The following LMAN1 variants were observed in gnomAD, a reference collection of about 807,000 sequenced individuals.
LMAN1 encodes protein ERGIC-53.
A neutral mutation model predicts 67.8 loss-of-function variants in LMAN1; 32 were observed. The observed-to-expected ratio is 0.47, with a 90% CI of 0.36 to 0.63. The LOEUF (loss-of-function observed/expected upper bound fraction) is 0.63. Ranked by LOEUF, LMAN1 falls within the 30% of genes least tolerant of loss-of-function variation. The pLI is 0.00. For synonymous variants in LMAN1, 235 were observed against 219.3 expected (o/e 1.07, Z -0.63); for missense variants, 632 against 628.2 (o/e 1.01, Z -0.06).
At chr18:59,357,513 G>C (rs754180716) in intron 1 of LMAN1, among the ~76,000 whole-genome samples, 9 of 152,136 alleles carry the variant, frequency 5.9e-5, no homozygotes, top group Non-Finnish European at 1.0e-4. Flanking sequence ...GATATCATTT[G>C]CATCACCTTT....
At position 59,355,513 on chromosome 18, in the gene LMAN1, A is replaced by G. The variant is rs1908641416; in HGVS notation, c.360T>C (p.Ala120=). Residue 120 remains alanine (A), a synonymous_variant, in exon 2 of 13, where the codon GCT becomes GCC. Coordinates refer to ENST00000251047, the MANE Select transcript of LMAN1 (RefSeq NM_005570.4). ...FRVTGRGRIG[A]DGLAIWYAEN... is the part of the protein sequence containing the mutation. The stretch of plus-strand genomic sequence containing the variant: ...AAAGAAATGATCATACTAGGCCATC[A>G]GCTCCAATTCGACCTCTTCCAGTCA... The G allele has an allele frequency of 6.2e-7, 1 of 1,613,992 alleles. No homozygotes were observed. Among genetic ancestry groups the G allele is most frequent in the Non-Finnish European group, 8.5e-7 (1 of 1,179,976 alleles).
chr18:59,336,920 T>TAA (rs149850353), intron 10 of LMAN1, among the ~76,000 whole-genome samples: 6 of 150,342 alleles, frequency 4.0e-5, no homozygotes, highest in African/African-American at 1.2e-4. Context: ...AAATAAAAAT[T>TAA]AAAAAAAAAT....
At chr18:59,335,123 T>A (rs552149000) in intron 10 of LMAN1, among the ~76,000 whole-genome samples, 1 of 152,006 alleles carries the variant, frequency 6.6e-6, no homozygotes, top group Non-Finnish European at 1.5e-5. Flanking sequence ...ACCCGTCACA[T>A]AAGAAAGAAA....
At position 59,345,817 on chromosome 18, in the gene LMAN1, TCAGAGAG is replaced by T. The variant is rs1264946648; in HGVS notation, c.955+95_955+101del. On this transcript the variant is annotated intron_variant, in intron 8 of 12. Transcript: ENST00000251047. ...CAGAAATCACTTGGAATGTGCCTGT[TCAGAGAG>T]CAGGGATGAGCTAGGCAACACAGAG... The T allele has an allele frequency of 3.0e-6, 4 of 1,352,782 alleles. No homozygotes were observed. In the African/African-American group the frequency reaches 4.4e-5, roughly 15 times the overall value. 83.8% of individuals were successfully genotyped at this position (1,352,782 alleles called of 1,614,324 possible). A position where few individuals can be genotyped will look rare whatever the true frequency, so the allele number is the denominator to read the frequency against.
At chr18:59,343,841 T>C (rs1908340886) in intron 8 of LMAN1, among the ~76,000 whole-genome samples, 1 of 151,610 alleles carries the variant, frequency 6.6e-6, no homozygotes, top group African/African-American at 2.4e-5. Context: ...AAAGAAACAA[T>C]CAACACAATA....
intron 11 of LMAN1, 136 bp from the exon 12 acceptor site, chr18:59,331,675 T>TC: frequency 1.0e-6 from 1 of 953,408 alleles, no homozygotes; most frequent in Non-Finnish European, 1.6e-6. Flanking sequence ...AAACCTTCTA[T>TC]CCCCTTAACT....
intron 8 of LMAN1, among the ~76,000 whole-genome samples, chr18:59,344,757 C>T (rs913960841): frequency 6.6e-6 from 1 of 151,996 alleles, no homozygotes; most frequent in African/African-American, 2.4e-5. Context: ...ATGACACAAG[C>T]ATATAAGAAA....
chr18:59,334,369 C>G (rs1908096214), intron 10 of LMAN1, among the ~76,000 whole-genome samples: 1 of 152,136 alleles, frequency 6.6e-6, no homozygotes, highest in South Asian at 2.1e-4. Flanking sequence ...GAAATATCTG[C>G]CCTGTGGAGA....
intron 4 of LMAN1, among the ~76,000 whole-genome samples, chr18:59,354,102 T>TGGA (rs1276127987): frequency 8.5e-5 from 13 of 152,162 alleles, no homozygotes; most frequent in African/African-American, 2.4e-4. Flanking sequence ...AACCACTGAG[T>TGGA]CTTTAAATAA....
At position 59,339,341 on chromosome 18, in the gene LMAN1, A is replaced by G. The variant is rs137985126; in HGVS notation, c.956-388T>C. On this transcript the variant is annotated intron_variant, in intron 8 of 12. Coordinates refer to ENST00000251047, the MANE Select transcript of LMAN1 (RefSeq NM_005570.4). Reference sequence around the variant, plus strand: ...CTAGGAGAGAATGCTAGGATTCATCAGAGAAGAAATGGGAAGCACCAAAAT... The same window carrying G: ...CTAGGAGAGAATGCTAGGATTCATCGGAGAAGAAATGGGAAGCACCAAAAT... Among the ~76,000 whole-genome samples the G allele has an allele frequency of 4.6e-3, 700 of 152,280 alleles. 2 individuals carry two copies. Among genetic ancestry groups the G allele is most frequent in the Non-Finnish European group, 5.8e-3 (392 of 68,006 alleles).
chr18:59,340,535 C>G (rs1194480036), intron 8 of LMAN1, among the ~76,000 whole-genome samples: 1 of 151,842 alleles, frequency 6.6e-6, no homozygotes, highest in Non-Finnish European at 1.5e-5. Flanking sequence ...TTATATCCTG[C>G]TAGAATCAGC....
Position 59,353,138 on chromosome 18 carries a change from T to A in LMAN1, c.639+64A>T, listed in dbSNP as rs922515418. 3.7e-6 allele frequency: 5 copies of A among 1,368,702 alleles called. No individual in the cohort carries two copies. In the South Asian group the frequency reaches 4.7e-5, roughly 13 times the overall value. 84.8% of individuals were successfully genotyped at this position (1,368,702 alleles called of 1,614,324 possible). A position where few individuals can be genotyped will look rare whatever the true frequency, so the allele number is the denominator to read the frequency against. ...AAGTGCATTTAATTTCTATCAAAAA[T>A]TCAAAATGAAAAGTGATACTGTAAC... On this transcript the variant is annotated intron_variant, in intron 5 of 12. Coordinates refer to ENST00000251047, the MANE Select transcript of LMAN1 (RefSeq NM_005570.4).
chr18:59,345,438 T>C (rs1908378100), intron 8 of LMAN1, among the ~76,000 whole-genome samples: 1 of 152,238 alleles, frequency 6.6e-6, no homozygotes, highest in East Asian at 1.9e-4. Flanking sequence ...GAAGCAGATA[T>C]GTCACATTAC....
Position 59,355,581 on chromosome 18 carries a change from T to C in LMAN1, c.292A>G (p.Lys98Glu), listed in dbSNP as rs760623672. 1.2e-6 allele frequency: 2 copies of C among 1,614,164 alleles called. No homozygotes were observed. Among genetic ancestry groups the C allele is most frequent in the South Asian group, 1.1e-5 (1 of 91,080 alleles). ...ACTTCCCAGTTCTCAAAGGCCGCTT[T>C]TGTCTTTGTCCACACTGAGCCTCTT... is the stretch of plus-strand genomic sequence containing the variant. ...SQRGSVWTKT[K>E]AAFENWEVEV... is the part of the protein sequence containing the mutation. Residue 98 changes from lysine to glutamate, a missense_variant, in exon 2 of 13, where the codon AAA (lysine) becomes GAA (glutamate). Lys to Glu is a moderately conservative substitution (Grantham distance 56). Coordinates refer to ENST00000251047, the MANE Select transcript of LMAN1 (RefSeq NM_005570.4).
intron 8 of LMAN1, among the ~76,000 whole-genome samples, chr18:59,341,693 T>G (rs1908291694): frequency 1.3e-5 from 2 of 151,954 alleles, no homozygotes; most frequent in Admixed American, 6.6e-5. Context: ...AAAAGCAGTG[T>G]GAAGAGGGCA....
chr18:59,340,807 A>T (rs1280586989), intron 8 of LMAN1, among the ~76,000 whole-genome samples: 2 of 152,220 alleles, frequency 1.3e-5, no homozygotes, highest in Non-Finnish European at 2.9e-5. Flanking sequence ...AAAAGAAAGG[A>T]ACAAAGAATT....
chr18:59,343,188 T>C (rs1908326909), intron 8 of LMAN1, among the ~76,000 whole-genome samples: 1 of 151,832 alleles, frequency 6.6e-6, no homozygotes, highest in Admixed American at 6.6e-5. Flanking sequence ...TGCTCATGAA[T>C]TGGAAGAATC....
At chr18:59,354,377 T>C (rs1603396104) in intron 4 of LMAN1, 142 bp downstream of exon 4, 1 of 624,932 alleles carries the variant, frequency 1.6e-6, no homozygotes, top group East Asian at 2.8e-5. Context: ...AATAAAACCT[T>C]TCTACCAAGT....
intron 7 of LMAN1, among the ~76,000 whole-genome samples, chr18:59,346,764 C>T (rs1908417639): frequency 6.6e-6 from 1 of 151,550 alleles, no homozygotes; most frequent in African/African-American, 2.4e-5. Flanking sequence ...AGGTGATCTG[C>T]CCACCTTGGC....
Sources: allele counts gnomAD v4.1 joint callset (sites outside exome capture counted in the v4.1 genomes callset), GRCh38; gene constraint gnomAD v4.1.1; transcripts MANE v1.5; gene names NCBI Gene and HGNC (gene_info 2026-07-23, HGNC 2026-07-21).